The following ZFAT variants were observed in gnomAD, a reference collection of about 807,000 sequenced individuals.
The protein encoded by ZFAT is zinc finger protein ZFAT.
In ZFAT, 64 loss-of-function variants were observed where a neutral mutation model predicts 117.7. The ratio of observed to expected loss-of-function variants is 0.54; its 90% CI spans 0.44 to 0.67. The LOEUF (loss-of-function observed/expected upper bound fraction) is 0.67. Among genes scored for constraint, ZFAT ranks in the 30% least tolerant of loss-of-function variants. The pLI is 0.00. For synonymous variants in ZFAT, 679 were observed against 615.0 expected, an observed-to-expected ratio of 1.10 and a Z score of -1.54; for missense variants, 1,433 against 1,584.5, an observed-to-expected ratio of 0.90 and a Z score of 1.62.
chr8:134,826,496 A>T, the ZFAT span, among the ~76,000 whole-genome samples: 1 of 152,258 alleles, frequency 6.6e-6, no homozygotes, highest in African/African-American at 2.4e-5. Context: ...TTAACTATAC[A>T]TTCACTTTAA....
chr8:134,709,434 C>A (rs1025442198), intron 1 of ZFAT, among the ~76,000 whole-genome samples: 1 of 152,198 alleles, frequency 6.6e-6, no homozygotes, highest in East Asian at 1.9e-4. Context: ...TGGTGAGAGG[C>A]AGATCTCTGG....
the ZFAT span, among the ~76,000 whole-genome samples, chr8:134,789,841 C>T: frequency 6.6e-6 from 1 of 152,182 alleles, no homozygotes; most frequent in Admixed American, 6.6e-5. Context: ...TTTATTGCTT[C>T]CAGTATAGCT....
At chr8:134,718,017 G>C (rs1000802926), upstream of ZFAT, among the ~76,000 whole-genome samples, 3 of 152,136 alleles carry the variant, frequency 2.0e-5, no homozygotes, top group Non-Finnish European at 4.4e-5. Flanking sequence ...TTTTTACAAA[G>C]TTAAGGTATG....
At chr8:134,694,751 T>G (rs965697319) in intron 1 of ZFAT, among the ~76,000 whole-genome samples, 6 of 152,230 alleles carry the variant, frequency 3.9e-5, no homozygotes, top group African/African-American at 1.4e-4. Flanking sequence ...CCCCTCCCCA[T>G]TGGAATCCTC....
At chr8:134,603,186 T>C (rs1384926263) in intron 5 of ZFAT, among the ~76,000 whole-genome samples, 2 of 152,046 alleles carry the variant, frequency 1.3e-5, no homozygotes, top group Non-Finnish European at 2.9e-5. Context: ...TATGTATTGA[T>C]AGGAATATGC....
intron 1 of ZFAT, among the ~76,000 whole-genome samples, chr8:134,704,129 G>C (rs766877884): frequency 4.6e-5 from 7 of 152,114 alleles, no homozygotes; most frequent in African/African-American, 7.2e-5. Flanking sequence ...CTTCCCCCCA[G>C]GGCCCCTTTT....
chr8:134,760,350 G>C, the ZFAT span, among the ~76,000 whole-genome samples: 1 of 150,584 alleles, frequency 6.6e-6, no homozygotes, highest in Admixed American at 6.6e-5. Flanking sequence ...AAATGCTAAA[G>C]AACATCCATA....
At chr8:134,800,628 T>C in the ZFAT span, 1 of 487,448 alleles carries the variant, frequency 2.1e-6, no homozygotes, top group Middle Eastern at 3.4e-4. Context: ...ACTTAAACTC[T>C]TTACTAAGTT....
Position 134,489,883 on chromosome 8 carries a change from T to G in ZFAT, c.3493-11162A>C, listed in dbSNP as rs143646279. On this transcript the variant is annotated intron_variant, in intron 15 of 15. Transcript: ENST00000377838. Reference sequence around the variant, plus strand: ...CCTGCCCACCCAACCTGCTCCTCCCTCCTGTCCTCTTCTCGGTAGAAGGCA... The same window carrying G: ...CCTGCCCACCCAACCTGCTCCTCCCGCCTGTCCTCTTCTCGGTAGAAGGCA... Among the ~76,000 whole-genome samples the G allele has an allele frequency of 8.7e-4, 132 of 152,074 alleles. 2 individuals carry two copies. In the East Asian group the frequency reaches 0.023, roughly 26 times the overall value.
the ZFAT span, among the ~76,000 whole-genome samples, chr8:134,802,063 T>C: frequency 6.6e-6 from 1 of 152,196 alleles, no homozygotes; most frequent in Non-Finnish European, 1.5e-5. Flanking sequence ...TGAACAGCAA[T>C]GGACTGTTTC....
intron 1 of ZFAT, among the ~76,000 whole-genome samples, chr8:134,692,416 T>TA (rs1231626638): frequency 6.6e-6 from 1 of 152,206 alleles, no homozygotes; most frequent in Non-Finnish European, 1.5e-5. Context: ...GCCCCAGCCC[T>TA]ACCTCAATGG....
chr8:134,600,559 G>A lies in ZFAT; in HGVS notation c.2352C>T (p.Cys784=). The change falls in exon 7 of 16, where the codon TGC becomes TGT. Residue 784 remains cysteine (C), a synonymous_variant. Coordinates refer to ENST00000377838, the MANE Select transcript of ZFAT (RefSeq NM_020863.4). ...QCHYSSITKN[C]LKRHVIQKHS... is the part of the protein sequence containing the mutation. ...GTTTCTGAATTACGTGGCGTTTAAG[G>A]CAGTTTTTGGTGATGGAAGAATAAT... is the stretch of plus-strand genomic sequence containing the variant. 6.2e-7 allele frequency: 1 copy of A among 1,614,092 alleles called. No individual in the cohort carries two copies.
intron 11 of ZFAT, among the ~76,000 whole-genome samples, chr8:134,550,844 A>C (rs533156101): frequency 6.5e-4 from 99 of 152,010 alleles, no homozygotes; most frequent in Middle Eastern, 6.8e-3. Flanking sequence ...CCCGCTCCCA[A>C]CCCCACCCGC....
At position 134,600,627 on chromosome 8, in the gene ZFAT, G is replaced by A. The variant is rs780357493; in HGVS notation, c.2284C>T (p.Arg762Cys). The change falls in exon 7 of 16, where the codon CGC becomes TGC. Residue 762 changes from arginine (R) to cysteine (C), a missense_variant. Arg to Cys is a radical substitution (Grantham distance 180, BLOSUM62 -3). Around this residue, in one of 5 missense-constraint regions of ZFAT, gnomAD observed 49 missense variants for 81.5 expected, o/e 0.60. Transcript: ENST00000377838. ...WYQVHFDMHV[R>C]THTREHLYYC... ...TACAGATGTTCCCGGGTGTGGGTGCGGACATGCATATCAAAATGCACTTGG... is the reference window on the plus strand; with the variant it reads ...TACAGATGTTCCCGGGTGTGGGTGCAGACATGCATATCAAAATGCACTTGG... 5.6e-6 allele frequency: 9 copies of A among 1,608,444 alleles called. No individual in the cohort carries two copies. The highest frequency in any genetic ancestry group is 3.3e-5 in the Admixed American group (2 of 59,726).
chr8:134,560,883 T>C (rs1223708681), intron 11 of ZFAT, among the ~76,000 whole-genome samples: 1 of 152,264 alleles, frequency 6.6e-6, no homozygotes, highest in Non-Finnish European at 1.5e-5. Context: ...TAAGCCTATT[T>C]TTGTTTAGAG....
chr8:134,484,406 C>T (rs927846687), intron 15 of ZFAT, among the ~76,000 whole-genome samples: 5 of 152,216 alleles, frequency 3.3e-5, no homozygotes, highest in African/African-American at 1.2e-4. Flanking sequence ...CCATGGACTC[C>T]AGGGCCAGCT....
chr8:134,602,254 C>T lies in ZFAT; in HGVS notation c.1465G>A (p.Val489Ile). ...EVHGAAQEAL[V>I]FTSSINQSFC... The stretch of plus-strand genomic sequence containing the variant: ...CTCTGGTTGATGGAACTGGTGAAGA[C>T]CAAGGCCTCCTGGGCAGCCCCGTGC... Residue 489 changes from valine (V) to isoleucine (I), a missense_variant, in exon 6 of 16, where the codon GTC becomes ATC. Val to Ile is a conservative substitution (Grantham distance 29). Coordinates refer to ENST00000377838, the MANE Select transcript of ZFAT (RefSeq NM_020863.4). The T allele has an allele frequency of 6.2e-7, 1 of 1,613,796 alleles. No homozygotes were observed. The highest frequency in any genetic ancestry group is 8.5e-7 in the Non-Finnish European group (1 of 1,180,044).
In ZFAT at chr8:134,712,825, C is replaced by G; in HGVS notation, c.19+20G>C. On this transcript the variant is annotated intron_variant, in intron 1 of 15. Transcript: ENST00000377838. ...GCCCCACCCCCACCCCGTCTCACCC[C>G]AACCCCCAGCCCGGCTCACCTGCCG... is the stretch of plus-strand genomic sequence containing the variant. 28 of 1,448,026 alleles carry G rather than the reference C, an allele frequency of 1.9e-5. No individual in the cohort carries two copies. Among genetic ancestry groups the G allele is most frequent in the African/African-American group, 3.0e-5 (2 of 67,290 alleles). The allele number at this position is 1,448,026 out of a possible 1,614,324, so 89.7% of individuals were successfully genotyped here. A position where few individuals can be genotyped will look rare whatever the true frequency, so the allele number is the denominator to read the frequency against.
At chr8:134,568,165 A>G (rs1021094260) in intron 10 of ZFAT, among the ~76,000 whole-genome samples, 2 of 152,270 alleles carry the variant, frequency 1.3e-5, no homozygotes, top group African/African-American at 4.8e-5. Context: ...AGCAAAAGGA[A>G]ACAAATATTA....
Sources: gnomAD v4.1 joint callset for allele counts (sites outside exome capture counted in the v4.1 genomes callset) on GRCh38, gnomAD v4.1.1 for gene constraint, gnomAD v4.1.1 regional missense constraint, MANE v1.5 for transcripts, NCBI Gene and HGNC (gene_info 2026-07-23, HGNC 2026-07-21) for gene names.